Variants in TTC6 observed in about 807,000 individuals in gnomAD.
TTC6 encodes tetratricopeptide repeat domain 6.
Under a neutral mutation model 210.4 loss-of-function variants are expected in TTC6, and 172 were observed. That is an observed-to-expected ratio of 0.82 (90% CI 0.72 to 0.93). TTC6 has a LOEUF of 0.93. Ranked by LOEUF, TTC6 falls within the 40% of genes least tolerant of loss-of-function variation. The pLI, the probability that TTC6 is intolerant of heterozygous loss-of-function variation, is 0.00. For synonymous variants in TTC6, 804 were observed against 819.6 expected, an observed-to-expected ratio of 0.98 and a Z score of 0.32; for missense variants, 2,414 against 2,318.1, an observed-to-expected ratio of 1.04 and a Z score of -0.85.
At chr14:37,779,051 G>A (rs183555122) in intron 14 of TTC6, among the ~76,000 whole-genome samples, 48 of 152,278 alleles carry the variant, frequency 3.2e-4, no homozygotes, top group Middle Eastern at 3.4e-3. Context: ...CTCTCTGCCA[G>A]CTTAAGTGTC....
intron 1 of TTC6, among the ~76,000 whole-genome samples, chr14:37,627,384 ATGG>A (rs2095662134): frequency 6.6e-6 from 1 of 151,906 alleles, no homozygotes; most frequent in Admixed American, 6.6e-5. Flanking sequence ...TAGAAGTGTC[ATGG>A]TGGTTTGCTG....
chr14:37,632,958 G>A (rs1055494914), intron 1 of TTC6, among the ~76,000 whole-genome samples: 2 of 152,140 alleles, frequency 1.3e-5, no homozygotes, highest in South Asian at 4.1e-4. Context: ...GGCAGACAAC[G>A]CCCCCTCCTC....
Position 37,796,880 on chromosome 14 carries a change from G to A in TTC6, c.3962G>A (p.Trp1321Ter). ...ATTGAGGTCTTGGACGGAATCAGCT[G>A]GAATAGAGCTGAGATGACCATGTGT... Residue 1321 changes from tryptophan to a stop codon, truncating the protein, a stop_gained, in exon 20 of 31, where the codon TGG becomes TAG. Coordinates refer to ENST00000553443, the Ensembl canonical transcript of TTC6. LOFTEE classifies it high-confidence loss of function. 6.2e-7 allele frequency: 1 copy of A among 1,609,996 alleles called. No individual in the cohort carries two copies. Among genetic ancestry groups the A allele is most frequent in the Non-Finnish European group, 8.5e-7 (1 of 1,177,902 alleles).
chr14:37,599,178 C>G (rs1472693035), intron 1 of TTC6, among the ~76,000 whole-genome samples: 2 of 152,188 alleles, frequency 1.3e-5, no homozygotes, highest in Non-Finnish European at 2.9e-5. Context: ...GACTGCGGTC[C>G]CCCGCGAGAG....
upstream of TTC6, among the ~76,000 whole-genome samples, chr14:37,619,071 G>A (rs113431846): frequency 0.013 from 1,919 of 152,312 alleles, 21 homozygotes; most frequent in Non-Finnish European, 0.02. Context: ...ATGCGGGGCG[G>A]GGGGATTATA....
At chr14:37,701,279 A>G in intron 4 of TTC6, 53 bp from the exon 7 acceptor site, 1 of 1,257,558 alleles carries the variant, frequency 8.0e-7, no homozygotes, top group Non-Finnish European at 1.0e-6. Flanking sequence ...TGTACTTTAT[A>G]TCTAAAGTCC....
intron 27 of TTC6, 103 bp from the exon 30 acceptor site, chr14:37,826,091 TA>T: frequency 1.7e-6 from 2 of 1,204,914 alleles, no homozygotes; most frequent in Non-Finnish European, 1.1e-6. Context: ...TAGCATGGCA[TA>T]AATATACCCT....
At chr14:37,760,383 G>A (rs1170475298) in intron 14 of TTC6, among the ~76,000 whole-genome samples, 2 of 152,194 alleles carry the variant, frequency 1.3e-5, no homozygotes, top group Non-Finnish European at 2.9e-5. Flanking sequence ...CTTTGTCCCA[G>A]AGGGGCACTG....
At chr14:37,828,757 G>A (rs796416450) in intron 29 of TTC6, among the ~76,000 whole-genome samples, 2 of 150,388 alleles carry the variant, frequency 1.3e-5, no homozygotes, top group Admixed American at 6.6e-5. Context: ...CCTAAGAAAG[G>A]GTATCTACTA....
At chr14:37,767,942 T>A (rs1229117726) in intron 14 of TTC6, among the ~76,000 whole-genome samples, 3 of 146,194 alleles carry the variant, frequency 2.1e-5, no homozygotes, top group East Asian at 3.9e-4. Context: ...AGGTCTAATG[T>A]TTAAGTCTTT....
chr14:37,732,222 A>C (rs528095282), intron 7 of TTC6, among the ~76,000 whole-genome samples: 2 of 113,858 alleles, frequency 1.8e-5, no homozygotes, highest in African/African-American at 6.8e-5. Flanking sequence ...TCACTCTGTC[A>C]CCCAGGCTGG....
At chr14:37,705,590 T>C (rs1025402978) in intron 5 of TTC6, among the ~76,000 whole-genome samples, 4 of 152,166 alleles carry the variant, frequency 2.6e-5, no homozygotes, top group African/African-American at 7.2e-5. Context: ...TCAATAAATA[T>C]TGATCCGAGT....
chr14:37,767,725 G>A (rs372320712), intron 14 of TTC6, among the ~76,000 whole-genome samples: 8,683 of 151,706 alleles, frequency 0.057, 551 homozygotes, highest in East Asian at 0.17. Flanking sequence ...AGTAGGCTGC[G>A]AAAATTTTCT....
At chr14:37,766,035 T>C (rs542117448) in intron 14 of TTC6, among the ~76,000 whole-genome samples, 2 of 152,274 alleles carry the variant, frequency 1.3e-5, no homozygotes, top group Non-Finnish European at 2.9e-5. Flanking sequence ...TGTGTCTCTA[T>C]GTGAAACTCT....
intron 1 of TTC6, among the ~76,000 whole-genome samples, chr14:37,633,140 C>T (rs2095673301): frequency 6.6e-6 from 1 of 152,170 alleles, no homozygotes; most frequent in Non-Finnish European, 1.5e-5. Flanking sequence ...ACTGTTCTGT[C>T]TTGCTGGTGT....
chr14:37,816,183 A>G (rs116360960), intron 25 of TTC6, among the ~76,000 whole-genome samples: 2,129 of 152,248 alleles, frequency 0.014, 58 homozygotes, highest in African/African-American at 0.047. Flanking sequence ...TCTTGAATCA[A>G]TGTGGGGTGT....
chr14:37,624,854 C>T (rs1470308672), intron 1 of TTC6, among the ~76,000 whole-genome samples: 2 of 152,050 alleles, frequency 1.3e-5, no homozygotes, highest in African/African-American at 4.8e-5. Flanking sequence ...ATCTCCTGAC[C>T]TCGTGATCCG....
At chr14:37,640,605 C>T (rs574402508) in intron 1 of TTC6, among the ~76,000 whole-genome samples, 11 of 152,158 alleles carry the variant, frequency 7.2e-5, no homozygotes, top group Non-Finnish European at 7.4e-5. Flanking sequence ...CACAATGTCA[C>T]GATCTCGGCT....
At chr14:37,735,793 T>A (rs1233499632) in intron 7 of TTC6, 128 bp from the exon 10 acceptor site, 2 of 561,524 alleles carry the variant, frequency 3.6e-6, no homozygotes, top group Non-Finnish European at 6.0e-6. Flanking sequence ...TTTCTAGAAT[T>A]ATACTACTTT....
Sources: allele counts gnomAD v4.1 joint callset (sites outside exome capture counted in the v4.1 genomes callset), GRCh38; gene constraint gnomAD v4.1.1; transcripts MANE v1.5; gene names NCBI Gene and HGNC (gene_info 2026-07-23, HGNC 2026-07-21).